ATOSA: variants seen among roughly 807,000 people sequenced by gnomAD.
ATOSA encodes the protein atos homolog A, also known as atos homolog protein A.
chr15:52,659,346 C>T, the ATOSA span, among the ~76,000 whole-genome samples: 1 of 152,198 alleles, frequency 6.6e-6, no homozygotes, highest in Non-Finnish European at 1.5e-5. Context: ...CTATTTCTAA[C>T]AGTTAAATTC....
chr15:52,641,609 G>A, the ATOSA span, among the ~76,000 whole-genome samples: 2 of 152,236 alleles, frequency 1.3e-5, no homozygotes, highest in African/African-American at 4.8e-5. Context: ...CCAGTTGAAG[G>A]AGGCAGGCAA....
chr15:52,661,528 C>G, the ATOSA span, among the ~76,000 whole-genome samples: 420 of 152,314 alleles, frequency 2.8e-3, no homozygotes, highest in Non-Finnish European at 4.5e-3. Flanking sequence ...AAAGATCTTT[C>G]CAACTGTGGT....
chr15:52,656,739 C>T, the ATOSA span: 1 of 152,052 alleles, frequency 6.6e-6, no homozygotes, highest in Non-Finnish European at 1.5e-5. Context: ...CTTGTATACA[C>T]ATAAGTCAGA....
At chr15:52,695,174 C>G in the ATOSA span, among the ~76,000 whole-genome samples, 1 of 152,188 alleles carries the variant, frequency 6.6e-6, no homozygotes, top group African/African-American at 2.4e-5. Flanking sequence ...ATCTGCCTAC[C>G]TTGGTCTCCT....
chr15:52,588,350 T>C, the ATOSA span, among the ~76,000 whole-genome samples: 1 of 152,146 alleles, frequency 6.6e-6, no homozygotes, highest in Non-Finnish European at 1.5e-5. Context: ...TAAGTTCAAA[T>C]TGAATGTGTA....
At chr15:52,674,248 T>C in the ATOSA span, among the ~76,000 whole-genome samples, 1 of 149,130 alleles carries the variant, frequency 6.7e-6, no homozygotes, top group Admixed American at 6.6e-5. Flanking sequence ...TAGGGTCTTG[T>C]TATGTTGCCC....
At chr15:52,597,307 C>T in the ATOSA span, among the ~76,000 whole-genome samples, 2 of 152,102 alleles carry the variant, frequency 1.3e-5, no homozygotes, top group South Asian at 4.2e-4. Context: ...AATTTATGTC[C>T]ACATAAAAAT....
At chr15:52,708,897 T>C in the ATOSA span, among the ~76,000 whole-genome samples, 44 of 152,224 alleles carry the variant, frequency 2.9e-4, no homozygotes, top group Middle Eastern at 6.8e-3. Flanking sequence ...TCCTCACTGG[T>C]AGGATGAAGT....
At chr15:52,680,749 T>C in the ATOSA span, among the ~76,000 whole-genome samples, 6 of 152,242 alleles carry the variant, frequency 3.9e-5, no homozygotes, top group Admixed American at 3.9e-4. Flanking sequence ...ACGATGAAAC[T>C]GACAAATGGA....
chr15:52,621,099 T>C, the ATOSA span, among the ~76,000 whole-genome samples: 3 of 152,194 alleles, frequency 2.0e-5, no homozygotes, highest in African/African-American at 7.2e-5. Flanking sequence ...TTATACCAAC[T>C]TAAAAAAATT....
At chr15:52,627,438 C>T in the ATOSA span, among the ~76,000 whole-genome samples, 7 of 152,148 alleles carry the variant, frequency 4.6e-5, no homozygotes, top group African/African-American at 1.7e-4. Flanking sequence ...GTGCCTAGGA[C>T]GCTGCTTGAC....
the ATOSA span, among the ~76,000 whole-genome samples, chr15:52,597,057 A>G: frequency 6.6e-6 from 1 of 152,238 alleles, no homozygotes; most frequent in African/African-American, 2.4e-5. Context: ...TGGAAGAACT[A>G]GAACTCTCAT....
At chr15:52,593,882 G>A in the ATOSA span, 4 of 829,092 alleles carry the variant, frequency 4.8e-6, no homozygotes, top group Non-Finnish European at 7.2e-6. Flanking sequence ...TAGAACAGTG[G>A]TTGTTACCAT....
chr15:52,697,882 A>G, the ATOSA span, among the ~76,000 whole-genome samples: 5 of 151,090 alleles, frequency 3.3e-5, no homozygotes, highest in Admixed American at 1.3e-4. Flanking sequence ...AAAAATCACA[A>G]GAAACCACTA....
the ATOSA span, among the ~76,000 whole-genome samples, chr15:52,697,534 CTTCTT>C: frequency 3.6e-4 from 55 of 152,270 alleles, no homozygotes; most frequent in African/African-American, 1.2e-3. Flanking sequence ...ACATGACTCA[CTTCTT>C]TAATGCGTAA....
At chr15:52,645,824 T>A in the ATOSA span, among the ~76,000 whole-genome samples, 6 of 152,168 alleles carry the variant, frequency 3.9e-5, no homozygotes, top group African/African-American at 1.4e-4. Context: ...CAGAAAGAAC[T>A]CTGAGACAAA....
the ATOSA span, chr15:52,587,075 G>C: frequency 6.3e-7 from 1 of 1,597,810 alleles, no homozygotes; most frequent in Non-Finnish European, 8.5e-7. Context: ...TGCAGCAGCA[G>C]TAGCAGGAGA....
the ATOSA span, among the ~76,000 whole-genome samples, chr15:52,628,718 AAATG>A: frequency 6.6e-6 from 1 of 152,220 alleles, no homozygotes; most frequent in African/African-American, 2.4e-5. Flanking sequence ...CATGACAAAG[AAATG>A]AATATGTCAT....
the ATOSA span, among the ~76,000 whole-genome samples, chr15:52,704,927 A>G: frequency 6.6e-6 from 1 of 152,186 alleles, no homozygotes; most frequent in Non-Finnish European, 1.5e-5. Context: ...TAATTCAACC[A>G]TTGTGGAAGA....
Sources: allele counts gnomAD v4.1 joint callset (sites outside exome capture counted in the v4.1 genomes callset), GRCh38; gene constraint gnomAD v4.1.1; transcripts MANE v1.5; gene names NCBI Gene and HGNC (gene_info 2026-07-23, HGNC 2026-07-21).